The following CHCHD6 variants were observed in gnomAD, a reference collection of about 807,000 sequenced individuals.
CHCHD6 encodes coiled-coil-helix-coiled-coil-helix domain containing 6.
CHCHD6 carries 28 observed loss-of-function variants against 32.3 expected under a neutral mutation model. The ratio of observed to expected loss-of-function variants is 0.87; its 90% CI spans 0.64 to 1.19. The LOEUF (loss-of-function observed/expected upper bound fraction) is 1.19. Ranked by LOEUF, CHCHD6 falls within the 50% of genes most tolerant of loss-of-function variation. The probability of loss-of-function intolerance (pLI) is 0.00; values close to 1 mark genes in which losing one functional copy is unlikely to be tolerated. For synonymous variants in CHCHD6, 122 were observed against 117.5 expected, an observed-to-expected ratio of 1.04 and a Z score of -0.25; for missense variants, 333 against 307.0, an observed-to-expected ratio of 1.08 and a Z score of -0.63.
At chr3:126,804,288 A>G (rs982525992) in intron 4 of CHCHD6, among the ~76,000 whole-genome samples, 2 of 152,168 alleles carry the variant, frequency 1.3e-5, no homozygotes, top group Non-Finnish European at 2.9e-5. Context: ...GTTTTTTGAA[A>G]GGATCAACAA....
In CHCHD6 at chr3:126,714,832, TC is replaced by T. The variant is rs1934934522; in HGVS notation, c.87+10434del. On this transcript the variant is annotated intron_variant, in intron 1 of 7. Transcript: ENST00000290913. ...ACTGTATAACTTTGGGAAGTCACTC[TC>T]TGCAGCTCACTCTCTTCATCCTCAG... 2.0e-5 allele frequency among the ~76,000 whole-genome samples: 3 copies of T among 152,284 alleles called. 1 individual carries two copies.
intron 4 of CHCHD6, among the ~76,000 whole-genome samples, chr3:126,834,011 G>A (rs1472589409): frequency 2.5e-5 from 3 of 120,886 alleles, no homozygotes; most frequent in Admixed American, 1.2e-4. Flanking sequence ...CCGAGATCCC[G>A]CCACTGCACT....
intron 4 of CHCHD6, among the ~76,000 whole-genome samples, chr3:126,762,509 TTC>T (rs1937201039): frequency 6.6e-6 from 1 of 152,232 alleles, no homozygotes; most frequent in African/African-American, 2.4e-5. Context: ...TTCTTATGAT[TTC>T]TGTCTTCTAA....
chr3:126,823,071 A>C (rs1028148286), intron 4 of CHCHD6, among the ~76,000 whole-genome samples: 2 of 151,772 alleles, frequency 1.3e-5, no homozygotes, highest in African/African-American at 4.8e-5. Context: ...ACACCCTGCC[A>C]GTTGTTTTGT....
chr3:126,852,384 T>G (rs1400091403), intron 4 of CHCHD6, among the ~76,000 whole-genome samples: 1 of 152,148 alleles, frequency 6.6e-6, no homozygotes, highest in Non-Finnish European at 1.5e-5. Flanking sequence ...GAAATAACTG[T>G]GGGAGAACTG....
At chr3:126,958,790 C>G (rs2078822343) in intron 7 of CHCHD6, among the ~76,000 whole-genome samples, 1 of 152,208 alleles carries the variant, frequency 6.6e-6, no homozygotes, top group Non-Finnish European at 1.5e-5. Context: ...GCTGCTCACT[C>G]TGCTTCCACG....
intron 5 of CHCHD6, among the ~76,000 whole-genome samples, chr3:126,892,096 A>G (rs1489955305): frequency 6.6e-6 from 1 of 152,154 alleles, no homozygotes; most frequent in African/African-American, 2.4e-5. Context: ...TGGGGACCCA[A>G]AACCTCGGCT....
chr3:126,786,296 G>A (rs1372166526), intron 4 of CHCHD6, among the ~76,000 whole-genome samples: 3 of 152,254 alleles, frequency 2.0e-5, no homozygotes, highest in African/African-American at 7.2e-5. Context: ...ATACATGTGT[G>A]TGTGTCTTTA....
chr3:126,824,583 T>TAAAAAAAAAAAAAAAAAAA (rs1940307472), intron 4 of CHCHD6, among the ~76,000 whole-genome samples: 4 of 32,038 alleles, frequency 1.2e-4, no homozygotes, highest in African/African-American at 5.0e-4. Flanking sequence ...AAAAAAAAAG[T>TAAAAAAAAAAAAAAAAAAA]CAAATGTTGG....
chr3:126,846,453 C>A (rs1941299084), intron 4 of CHCHD6, among the ~76,000 whole-genome samples: 1 of 152,192 alleles, frequency 6.6e-6, no homozygotes, highest in Non-Finnish European at 1.5e-5. Context: ...AAGACCAAGA[C>A]TATGTATGTG....
intron 4 of CHCHD6, among the ~76,000 whole-genome samples, chr3:126,810,420 ATCTAGGTTG>A (rs961556873): frequency 6.6e-6 from 1 of 152,218 alleles, no homozygotes; most frequent in African/African-American, 2.4e-5. Context: ...AGCTAGAATA[ATCTAGGTTG>A]TCTCCCAGGA....
intron 6 of CHCHD6, among the ~76,000 whole-genome samples, chr3:126,924,875 G>A (rs1022878782): frequency 6.6e-6 from 1 of 152,200 alleles, no homozygotes; most frequent in Non-Finnish European, 1.5e-5. Context: ...CAGGAGCTGA[G>A]GTCGCAGGAA....
At chr3:126,722,729 A>G (rs1331022131) in intron 1 of CHCHD6, among the ~76,000 whole-genome samples, 1 of 152,166 alleles carries the variant, frequency 6.6e-6, no homozygotes, top group Non-Finnish European at 1.5e-5. Context: ...TGATTTGTAC[A>G]TATTTTCTCC....
At chr3:126,891,303 G>A (rs1473310458) in intron 5 of CHCHD6, among the ~76,000 whole-genome samples, 2 of 152,174 alleles carry the variant, frequency 1.3e-5, no homozygotes, top group Admixed American at 6.5e-5. Flanking sequence ...CGACTGAGGA[G>A]TAGATCTGGA....
chr3:126,817,288 TTC>T (rs1939948329), intron 4 of CHCHD6, among the ~76,000 whole-genome samples: 1 of 152,154 alleles, frequency 6.6e-6, no homozygotes, highest in Admixed American at 6.5e-5. Context: ...TTTTGTTGTT[TTC>T]TCTTTACAAT....
chr3:126,770,457 G>T (rs1238294394), intron 4 of CHCHD6, among the ~76,000 whole-genome samples: 1 of 152,200 alleles, frequency 6.6e-6, no homozygotes, highest in Non-Finnish European at 1.5e-5. Flanking sequence ...TATGATACTG[G>T]ATGTGGATTT....
intron 4 of CHCHD6, among the ~76,000 whole-genome samples, chr3:126,851,339 G>A (rs374549362): frequency 9.2e-5 from 14 of 152,356 alleles, no homozygotes; most frequent in African/African-American, 3.1e-4. Context: ...ATGTTTTTGA[G>A]TGATTCAAAC....
chr3:126,956,741 A>C (rs1217260993), intron 6 of CHCHD6, among the ~76,000 whole-genome samples: 1 of 152,146 alleles, frequency 6.6e-6, no homozygotes, highest in East Asian at 1.9e-4. Context: ...AAGTGAACTT[A>C]CTCACTTTTG....
chr3:126,873,881 C>T (rs537372485), intron 5 of CHCHD6, among the ~76,000 whole-genome samples: 1 of 152,332 alleles, frequency 6.6e-6, no homozygotes, highest in Non-Finnish European at 1.5e-5. Flanking sequence ...TGCTCAAGGC[C>T]ACACAGCTTG....
Sources: allele counts gnomAD v4.1 joint callset (sites outside exome capture counted in the v4.1 genomes callset), GRCh38; gene constraint gnomAD v4.1.1; transcripts MANE v1.5; gene names NCBI Gene and HGNC (gene_info 2026-07-23, HGNC 2026-07-21).